GTF3C4: variants seen among roughly 807,000 people sequenced by gnomAD.
The protein encoded by GTF3C4 is general transcription factor IIIC subunit 4.
In GTF3C4, 28 loss-of-function variants were observed where a neutral mutation model predicts 67.5. The ratio of observed to expected loss-of-function variants is 0.41; its 90% CI spans 0.31 to 0.57. The LOEUF (loss-of-function observed/expected upper bound fraction) is 0.57. Ranked by LOEUF, GTF3C4 falls within the 20% of genes least tolerant of loss-of-function variation. The pLI is 0.21. For synonymous variants in GTF3C4, 409 were observed against 393.0 expected, an observed-to-expected ratio of 1.04 and a Z score of -0.48; for missense variants, 831 against 1,033.2, an observed-to-expected ratio of 0.80 and a Z score of 2.68.
chr9:132,685,512 A>G (rs1836013136), intron 3 of GTF3C4, among the ~76,000 whole-genome samples: 1 of 148,746 alleles, frequency 6.7e-6, no homozygotes, highest in South Asian at 2.1e-4. Context: ...TTGCATTCCT[A>G]CACTTTTTTT....
chr9:132,690,651 G>A lies in GTF3C4; in HGVS notation c.*1706G>A, dbSNP rs561416822. The A allele has an allele frequency of 6.6e-6, 1 of 152,038 alleles. No homozygotes were observed. Among genetic ancestry groups the A allele is most frequent in the Non-Finnish European group, 1.5e-5 (1 of 68,024 alleles). 9.4% of individuals were successfully genotyped at this position (152,038 alleles called of 1,614,324 possible). ...CTATTCTGCTTATTTTTCTCATTTG[G>A]TGGTAATTTCAAGAAGAGCGTTTAT... On this transcript the variant is annotated 3_prime_UTR_variant, in exon 5 of 5. Transcript: ENST00000372146.
rs146201597 is a variant in GTF3C4 at position 132,670,634 on chromosome 9, G to A, written c.36G>A (p.Ala12=). ...NTADQARVGP[A]DDGPAPSGEE... ...CCGACCAGGCCCGGGTGGGGCCCGC[G>A]GACGACGGGCCTGCGCCGTCTGGGG... The change falls in exon 1 of 5, where the codon GCG becomes GCA. Residue 12 remains alanine (A), a synonymous_variant. Coordinates refer to ENST00000372146, the MANE Select transcript of GTF3C4 (RefSeq NM_012204.4). 0.038 allele frequency: 54,903 copies of A among 1,448,654 alleles called. 1,233 individuals carry two copies. The highest frequency in any genetic ancestry group is 0.043 in the Non-Finnish European group (47,670 of 1,112,784). The allele number at this position is 1,448,654 out of a possible 1,614,324, so 89.7% of individuals were successfully genotyped here.
rs1836087261 is a variant in GTF3C4, at chr9:132,689,818, C to G, written c.*873C>G. ...TTCAGTATTTTTAATGTTGACATTT[C>G]CAGATGTTTCATTTAGTATCCAGGG... On this transcript the variant is annotated 3_prime_UTR_variant, in exon 5 of 5. Transcript: ENST00000372146. The G allele has an allele frequency of 6.6e-6, 1 of 152,186 alleles. No homozygotes were observed. Among genetic ancestry groups the G allele is most frequent in the Non-Finnish European group, 1.5e-5 (1 of 68,038 alleles). The allele number at this position is 152,186 out of a possible 1,614,324, so 9.4% of individuals were successfully genotyped here.
rs139180518 is a variant in GTF3C4, at chr9:132,676,237, A to C, written c.358-1740A>C. On this transcript the variant is annotated intron_variant, in intron 1 of 4. Coordinates refer to ENST00000372146, the MANE Select transcript of GTF3C4 (RefSeq NM_012204.4). Reference sequence around the variant, plus strand: ...TTCTAATCATCACTCCTGTCTGCACAAACTATTCATTTGTTAATACATTGA... The same window carrying C: ...TTCTAATCATCACTCCTGTCTGCACCAACTATTCATTTGTTAATACATTGA... 3.9e-3 allele frequency among the ~76,000 whole-genome samples: 588 copies of C among 151,394 alleles called. 16 individuals are homozygous for C. The highest frequency in any genetic ancestry group is 1.0e-3 in the Non-Finnish European group (70 of 67,880).
Position 132,694,046 on chromosome 9 carries a change from T to C in GTF3C4, c.*5101T>C, listed in dbSNP as rs1211047210. 1.3e-5 allele frequency: 2 copies of C among 152,184 alleles called. No homozygotes were observed. Among genetic ancestry groups the C allele is most frequent in the Admixed American group, 1.3e-4 (2 of 15,274 alleles). 9.4% of individuals were successfully genotyped at this position (152,184 alleles called of 1,614,324 possible). The stretch of plus-strand genomic sequence containing the variant: ...AACAGTCATCTAAAAACATAAGGTT[T>C]TGGAAAGGAGATGCTTTTTCAATTC... On this transcript the variant is annotated 3_prime_UTR_variant, in exon 5 of 5. Coordinates refer to ENST00000372146, the MANE Select transcript of GTF3C4 (RefSeq NM_012204.4).
At chr9:132,682,142 T>G (rs1835954904) in intron 2 of GTF3C4, among the ~76,000 whole-genome samples, 1 of 151,994 alleles carries the variant, frequency 6.6e-6, no homozygotes, top group Admixed American at 6.6e-5. Context: ...ATGGGAGGAA[T>G]TCTGAGTAGT....
intron 3 of GTF3C4, among the ~76,000 whole-genome samples, chr9:132,685,212 G>A (rs996068023): frequency 2.0e-5 from 3 of 151,650 alleles, no homozygotes; most frequent in Admixed American, 6.6e-5. Flanking sequence ...GTAGAGACGG[G>A]GTTTCACCAT....
Position 132,693,798 on chromosome 9 carries a change from A to G in GTF3C4, c.*4853A>G, listed in dbSNP as rs528290105. 6.6e-6 allele frequency: 1 copy of G among 152,338 alleles called. No homozygotes were observed. Among genetic ancestry groups the G allele is most frequent in the African/African-American group, 2.4e-5 (1 of 41,578 alleles). The allele number at this position is 152,338 out of a possible 1,614,324, so 9.4% of individuals were successfully genotyped here. A position where few individuals can be genotyped will look rare whatever the true frequency, so the allele number is the denominator to read the frequency against. On this transcript the variant is annotated 3_prime_UTR_variant, in exon 5 of 5. Coordinates refer to ENST00000372146, the MANE Select transcript of GTF3C4 (RefSeq NM_012204.4). Reference sequence around the variant, plus strand: ...CCACTAATGGAAAATTAAATGCTAAACGTCCTAAGAATTATGTTGTTTTCA... The same window carrying G: ...CCACTAATGGAAAATTAAATGCTAAGCGTCCTAAGAATTATGTTGTTTTCA...
intron 1 of GTF3C4, among the ~76,000 whole-genome samples, chr9:132,672,898 A>G (rs1835806097): frequency 6.6e-6 from 1 of 152,166 alleles, no homozygotes; most frequent in Non-Finnish European, 1.5e-5. Context: ...AAATATAATG[A>G]GTTGGGCCGG....
chr9:132,671,004 C>T (rs772087717), intron 1 of GTF3C4, 49 bp downstream of exon 1: 10 of 1,291,924 alleles, frequency 7.7e-6, no homozygotes, highest in African/African-American at 1.5e-5. Context: ...CCCCCTCTCG[C>T]GGCCGCATCA....
At chr9:132,688,836 C>CT (rs1301039865) in intron 4 of GTF3C4, 45 bp from the exon 5 acceptor site, 2 of 1,442,160 alleles carry the variant, frequency 1.4e-6, no homozygotes, top group African/African-American at 1.4e-5. Flanking sequence ...TTTTGACTGT[C>CT]TTTTCCGAAG....
chr9:132,684,255 C>T (rs960838586), intron 3 of GTF3C4, among the ~76,000 whole-genome samples: 8 of 152,146 alleles, frequency 5.3e-5, no homozygotes, highest in African/African-American at 1.7e-4. Flanking sequence ...CTGTATCTCT[C>T]CCCCTAAGTC....
At position 132,678,742 on chromosome 9, in the gene GTF3C4, A is replaced by G; in HGVS notation, c.1123A>G (p.Lys375Glu). ...GGACCAGTTACCTGTGCACAGTATC[A>G]AATGTGTGCCACTTTATCATCCTTA... The part of the protein sequence containing the change: ...EMDQLPVHSI[K>E]CVPLYHPYQK... Residue 375 changes from lysine (K) to glutamate (E), a missense_variant, in exon 2 of 5, where the codon AAA becomes GAA. Coordinates refer to ENST00000372146, the MANE Select transcript of GTF3C4 (RefSeq NM_012204.4). This position sits in a 1 kb window ranked among gnomAD's most constrained non-coding sequence, Gnocchi z 6.5. 2 of 1,614,056 alleles carry G rather than the reference A, an allele frequency of 1.2e-6. No homozygotes were observed. Among genetic ancestry groups the G allele is most frequent in the Non-Finnish European group, 1.7e-6 (2 of 1,179,892 alleles).
rs369871890 is a variant in GTF3C4, at chr9:132,670,755, C to G, written c.157C>G (p.Arg53Gly). 3.2e-6 allele frequency: 5 copies of G among 1,557,226 alleles called. No homozygotes were observed. Among genetic ancestry groups the G allele is most frequent in the Non-Finnish European group, 4.3e-6 (5 of 1,157,500 alleles). ...PSAAFRLMVT[R>G]REPAVKLQYA... ...CGCTGCATTCCGCCTCATGGTGACTCGGCGGGAGCCGGCCGTGAAGCTGCA... is the reference window on the plus strand; with the variant it reads ...CGCTGCATTCCGCCTCATGGTGACTGGGCGGGAGCCGGCCGTGAAGCTGCA... The change falls in exon 1 of 5, where the codon CGG (arginine) becomes GGG (glycine). Residue 53 changes from arginine to glycine, a missense_variant. Physicochemically the swap from Arg to Gly is moderately radical, Grantham distance 125. This residue lies in a region of GTF3C4 where 237 missense variants were observed against 212.7 expected (regional missense o/e 1.11). Transcript: ENST00000372146.
At position 132,689,771 on chromosome 9, in the gene GTF3C4, TTCCTC is replaced by T. The variant is rs1254429406; in HGVS notation, c.*828_*832del. 6 of 152,298 alleles carry T rather than the reference TTCCTC, an allele frequency of 3.9e-5. No homozygotes were observed. Among genetic ancestry groups the T allele is most frequent in the Admixed American group, 1.3e-4 (2 of 15,294 alleles). The allele number at this position is 152,298 out of a possible 1,614,324, so 9.4% of individuals were successfully genotyped here. ...TGTACACAGAGGAAAAAAAGATATT[TTCCTC>T]TTTTAGTAATAAGACTTTCAGTATT... On this transcript the variant is annotated 3_prime_UTR_variant, in exon 5 of 5. Transcript: ENST00000372146.
chr9:132,683,782 C>A, intron 3 of GTF3C4, 89 bp downstream of exon 3: 1 of 1,249,348 alleles, frequency 8.0e-7, no homozygotes, highest in Non-Finnish European at 1.1e-6. Context: ...CAACTTTATG[C>A]CAGTTATCTG....
upstream of GTF3C4, chr9:132,670,374 T>G (rs1251797404): frequency 2.4e-6 from 3 of 1,240,130 alleles, no homozygotes; most frequent in African/African-American, 3.2e-5. Context: ...AAGGGGGTCC[T>G]CGGGGCTCCC....
chr9:132,677,966 C>T lies in GTF3C4; in HGVS notation c.358-11C>T, dbSNP rs1835886465. ...TGCTCATCTGATAGTTTTTATATCTCTTATTTTCAGGTTGGCTCAAAAACA... is the reference window on the plus strand; with the variant it reads ...TGCTCATCTGATAGTTTTTATATCTTTTATTTTCAGGTTGGCTCAAAAACA... On this transcript the variant is annotated splice_polypyrimidine_tract_variant and intron_variant, in intron 1 of 4. Transcript: ENST00000372146. 1 of 1,576,996 alleles carries T rather than the reference C, an allele frequency of 6.3e-7. No homozygotes were observed. Among genetic ancestry groups the T allele is most frequent in the African/African-American group, 1.4e-5 (1 of 73,246 alleles).
Position 132,687,345 on chromosome 9 carries a change from CT to C in GTF3C4, c.2404+20del. The C allele has an allele frequency of 4.2e-6, 1 of 240,372 alleles. No individual in the cohort carries two copies. Among genetic ancestry groups the C allele is most frequent in the South Asian group, 3.2e-5 (1 of 30,926 alleles). 14.9% of individuals were successfully genotyped at this position (240,372 alleles called of 1,614,324 possible). ...TCCAGAAGGTGAGTGCTTTCCCTTA[CT>C]TGGGAGGGTGGGTGGGTGGAACATG... On this transcript the variant is annotated intron_variant, in intron 4 of 4. Coordinates refer to ENST00000372146, the MANE Select transcript of GTF3C4 (RefSeq NM_012204.4).
Sources: gnomAD v4.1 joint callset for allele counts (sites outside exome capture counted in the v4.1 genomes callset) on GRCh38, gnomAD v4.1.1 for gene constraint, gnomAD v4.1.1 regional missense constraint, Gnocchi (gnomAD v3.1) non-coding constraint, MANE v1.5 for transcripts, NCBI Gene and HGNC (gene_info 2026-07-23, HGNC 2026-07-21) for gene names.